The following TM2D1 variants were observed in gnomAD, a reference collection of about 807,000 sequenced individuals.
The protein encoded by TM2D1 is TM2 domain-containing protein 1.
Under a neutral mutation model 28.4 loss-of-function variants are expected in TM2D1, and 15 were observed. The observed-to-expected ratio is 0.53, with a 90% CI of 0.35 to 0.81. The LOEUF is 0.81. Among genes scored for constraint, TM2D1 ranks in the 40% least tolerant of loss-of-function variants. The pLI is 0.01. For missense variants in TM2D1, 236 were observed against 254.9 expected (o/e 0.93, Z 0.50); for synonymous variants, 93 against 96.2 (o/e 0.97, Z 0.20).
At chr1:61,720,698 TTAA>T (rs1644557107) in intron 2 of TM2D1, among the ~76,000 whole-genome samples, 2 of 152,332 alleles carry the variant, frequency 1.3e-5, no homozygotes, top group Admixed American at 6.5e-5. Context: ...ATAAATTGTC[TTAA>T]TAAAGTAAAT....
chr1:61,722,207 T>A (rs1239455251), intron 2 of TM2D1, among the ~76,000 whole-genome samples: 4 of 151,856 alleles, frequency 2.6e-5, no homozygotes. Context: ...GATCACTTGA[T>A]CCTGGGAGGT....
At chr1:61,708,403 T>C (rs1052051024) in intron 3 of TM2D1, among the ~76,000 whole-genome samples, 1 of 152,206 alleles carries the variant, frequency 6.6e-6, no homozygotes, top group African/African-American at 2.4e-5. Context: ...TTTGTCTTAC[T>C]ATCCCAAACT....
intron 5 of TM2D1, among the ~76,000 whole-genome samples, chr1:61,688,003 T>A (rs1644295688): frequency 2.0e-5 from 3 of 152,244 alleles, no homozygotes; most frequent in Admixed American, 2.0e-4. Flanking sequence ...ATTAAAACCA[T>A]CTGATTAGTC....
intron 2 of TM2D1, among the ~76,000 whole-genome samples, chr1:61,716,461 A>G (rs1692132): frequency 0.22 from 32,411 of 144,870 alleles, 3,759 homozygotes; most frequent in Non-Finnish European, 0.25. Context: ...TTTTATATAC[A>G]TATATAATTA....
At chr1:61,701,976 G>A (rs919289610) in intron 3 of TM2D1, among the ~76,000 whole-genome samples, 1 of 152,050 alleles carries the variant, frequency 6.6e-6, no homozygotes, top group Non-Finnish European at 1.5e-5. Flanking sequence ...GGATCACTGA[G>A]GTCAGGAGTT....
At chr1:61,716,169 A>C (rs1038757048) in intron 2 of TM2D1, among the ~76,000 whole-genome samples, 2 of 151,198 alleles carry the variant, frequency 1.3e-5, no homozygotes, top group Non-Finnish European at 2.9e-5. Flanking sequence ...GAAAAAAAAA[A>C]TTAGCCAGGC....
chr1:61,701,640 A>T (rs916546473), intron 3 of TM2D1, among the ~76,000 whole-genome samples: 1 of 151,594 alleles, frequency 6.6e-6, no homozygotes, highest in Admixed American at 6.6e-5. Flanking sequence ...AAAAGTAGTA[A>T]GTGGCCCAGA....
intron 3 of TM2D1, among the ~76,000 whole-genome samples, chr1:61,706,755 G>T (rs1557534279): frequency 1.3e-5 from 2 of 151,194 alleles, no homozygotes; most frequent in Admixed American, 1.3e-4. Flanking sequence ...GATGGCGGAG[G>T]TTGGTGGAGG....
At position 61,716,465 on chromosome 1, in the gene TM2D1, A is replaced by G. The variant is rs542602667; in HGVS notation, c.239-7028T>C. On this transcript the variant is annotated intron_variant, in intron 2 of 6. Coordinates refer to ENST00000606498, the MANE Select transcript of TM2D1 (RefSeq NM_032027.3). ...ATTATATATAATTTTATATACATAT[A>G]TAATTATATATAATTTTATATACGT... 2.1e-5 allele frequency among the ~76,000 whole-genome samples: 3 copies of G among 145,718 alleles called. No individual in the cohort carries two copies. In the South Asian group the frequency reaches 6.3e-4, roughly 31 times the overall value.
intron 5 of TM2D1, among the ~76,000 whole-genome samples, chr1:61,691,932 A>AAAAAAAAAT: frequency 5.2e-5 from 4 of 76,414 alleles, no homozygotes; most frequent in Admixed American, 1.7e-4. Flanking sequence ...AAAAAAAAAA[A>AAAAAAAAAT]ATATATATAT....
At chr1:61,712,496 C>T (rs996919936) in intron 2 of TM2D1, among the ~76,000 whole-genome samples, 46 of 152,082 alleles carry the variant, frequency 3.0e-4, no homozygotes, top group African/African-American at 1.1e-3. Flanking sequence ...CTGCAACCTC[C>T]GTCTCCTGGG....
chr1:61,685,696 T>C (rs866266705), intron 5 of TM2D1, among the ~76,000 whole-genome samples: 2 of 152,236 alleles, frequency 1.3e-5, no homozygotes, highest in South Asian at 2.1e-4. Flanking sequence ...TTGTCAAAGA[T>C]TAAATTGATT....
intron 5 of TM2D1, among the ~76,000 whole-genome samples, chr1:61,691,932 A>ATATATATATATATATATATAT (rs1553140879): frequency 3.9e-5 from 3 of 76,400 alleles, no homozygotes; most frequent in Non-Finnish European, 7.7e-5. Context: ...AAAAAAAAAA[A>ATATATATATATATATATATAT]ATATATATAT....
At chr1:61,718,390 G>GA (rs1246839090) in intron 2 of TM2D1, among the ~76,000 whole-genome samples, 1 of 152,134 alleles carries the variant, frequency 6.6e-6, no homozygotes, top group Admixed American at 6.5e-5. Flanking sequence ...GCTAGGTTTG[G>GA]AAAATAATCA....
At chr1:61,702,543 AT>A (rs1424075036) in intron 3 of TM2D1, among the ~76,000 whole-genome samples, 1 of 150,332 alleles carries the variant, frequency 6.7e-6, no homozygotes, top group Non-Finnish European at 1.5e-5. Flanking sequence ...TAATTTTTGT[AT>A]TTTTGTAGAA....
intron 3 of TM2D1, among the ~76,000 whole-genome samples, chr1:61,704,623 G>C (rs767950471): frequency 2.6e-5 from 4 of 151,890 alleles, no homozygotes; most frequent in Non-Finnish European, 4.4e-5. Context: ...GTAGAGACAG[G>C]GTTTCACCTT....
At chr1:61,686,004 C>A (rs528835956) in intron 5 of TM2D1, among the ~76,000 whole-genome samples, 2 of 152,136 alleles carry the variant, frequency 1.3e-5, no homozygotes, top group South Asian at 2.1e-4. Context: ...CAAAATGCAA[C>A]CCTATTTAAA....
intron 5 of TM2D1, 57 bp from the exon 6 acceptor site, chr1:61,683,603 T>G: frequency 1.2e-6 from 1 of 859,774 alleles, no homozygotes; most frequent in Non-Finnish European, 1.8e-6. Flanking sequence ...TCACAGCACT[T>G]TGTTTACTTT....
chr1:61,717,387 A>T (rs1458639650), intron 2 of TM2D1, among the ~76,000 whole-genome samples: 2 of 152,028 alleles, frequency 1.3e-5, no homozygotes, highest in African/African-American at 4.8e-5. Flanking sequence ...AAAAGAAGCC[A>T]GTTATCAGTA....
Sources: gnomAD v4.1 joint callset for allele counts (sites outside exome capture counted in the v4.1 genomes callset) on GRCh38, gnomAD v4.1.1 for gene constraint, MANE v1.5 for transcripts, NCBI Gene and HGNC (gene_info 2026-07-23, HGNC 2026-07-21) for gene names.